The following KALRN variants were observed in gnomAD, a reference collection of about 807,000 sequenced individuals.
KALRN encodes the protein kalirin RhoGEF kinase.
A neutral mutation model predicts 353.7 loss-of-function variants in KALRN; 70 were observed. That is an observed-to-expected ratio of 0.20 (90% CI 0.16 to 0.24). The LOEUF (loss-of-function observed/expected upper bound fraction) is 0.24. Ranked by LOEUF, KALRN falls within the 10% of genes least tolerant of loss-of-function variation. The probability of loss-of-function intolerance (pLI) is 1.00; values close to 1 mark genes in which losing one functional copy is unlikely to be tolerated. For synonymous variants in KALRN, 1,391 were observed against 1,434.8 expected, an observed-to-expected ratio of 0.97 and a Z score of 0.69; for missense variants, 2,791 against 3,756.7, an observed-to-expected ratio of 0.74 and a Z score of 6.72.
chr3:124,465,669 G>GA (rs933062510), intron 25 of KALRN, among the ~76,000 whole-genome samples: 12 of 152,082 alleles, frequency 7.9e-5, no homozygotes, highest in African/African-American at 2.4e-4. Flanking sequence ...TTCTGAATAT[G>GA]AAAAAAAATC....
chr3:124,255,655 A>C (rs531574017), intron 3 of KALRN, among the ~76,000 whole-genome samples: 2 of 152,350 alleles, frequency 1.3e-5, no homozygotes, highest in African/African-American at 4.8e-5. Context: ...ATACCCCACA[A>C]TAGCCATGAC....
chr3:124,645,365 C>A (rs2082575104), intron 37 of KALRN, among the ~76,000 whole-genome samples: 1 of 152,148 alleles, frequency 6.6e-6, no homozygotes, highest in African/African-American at 2.4e-5. Flanking sequence ...GCTTTTGTTG[C>A]CATTGCTTTT....
intron 33 of KALRN, among the ~76,000 whole-genome samples, chr3:124,530,969 T>G (rs2067996056): frequency 6.6e-6 from 1 of 152,184 alleles, no homozygotes; most frequent in Admixed American, 6.5e-5. Context: ...AGGACTTACT[T>G]CTTGTTAACA....
At chr3:124,539,101 C>T (rs2068776461) in intron 33 of KALRN, among the ~76,000 whole-genome samples, 1 of 152,146 alleles carries the variant, frequency 6.6e-6, no homozygotes, top group African/African-American at 2.4e-5. Flanking sequence ...CCCAAAGATG[C>T]AACTATGGGG....
chr3:124,422,445 T>G (rs1350910186), intron 14 of KALRN, among the ~76,000 whole-genome samples: 1 of 152,186 alleles, frequency 6.6e-6, no homozygotes, highest in Admixed American at 6.5e-5. Flanking sequence ...GTTTTTGATT[T>G]TCCAGTATGA....
chr3:124,691,492 C>T (rs2061813950), intron 51 of KALRN, among the ~76,000 whole-genome samples: 1 of 151,990 alleles, frequency 6.6e-6, no homozygotes, highest in Admixed American at 6.6e-5. Context: ...TTTGGGAAGC[C>T]CACATAAGAA....
chr3:124,133,946 C>G (rs1365199069), intron 1 of KALRN, among the ~76,000 whole-genome samples: 1 of 152,076 alleles, frequency 6.6e-6, no homozygotes, highest in Admixed American at 6.6e-5. Context: ...TGAAAATGAC[C>G]ATACTGCCAA....
At chr3:124,325,893 C>T in intron 6 of KALRN, 87 bp from the exon 7 acceptor site, 1 of 1,131,754 alleles carries the variant, frequency 8.8e-7, no homozygotes, top group Non-Finnish European at 1.3e-6. Flanking sequence ...TTTTGGGCAG[C>T]TCCCTTCCCC....
rs113592521 is a variant in KALRN at position 124,419,447 on chromosome 3, C to T, written c.2543-3365C>T. 2.6e-3 allele frequency among the ~76,000 whole-genome samples: 392 copies of T among 152,054 alleles called. 1 individual carries two copies. Among genetic ancestry groups the T allele is most frequent in the African/African-American group, 8.5e-3 (352 of 41,474 alleles). On this transcript the variant is annotated intron_variant, in intron 14 of 59. Transcript: ENST00000682506. ...AGAGAGGGTAAGAAGCCCAGAGTCTCACCATTCATAGCATACAGAGCAAAC... is the reference window on the plus strand; with the variant it reads ...AGAGAGGGTAAGAAGCCCAGAGTCTTACCATTCATAGCATACAGAGCAAAC...
At position 124,120,759 on chromosome 3, in the gene KALRN, G is replaced by A. The variant is rs2063926106; in HGVS notation, c.73+86946G>A. Among the ~76,000 whole-genome samples, 13 of 131,760 alleles carry A rather than the reference G, an allele frequency of 9.9e-5. No individual in the cohort carries two copies. In the South Asian group the frequency reaches 2.9e-3, roughly 30 times the overall value. 86.4% of individuals were successfully genotyped at this position (131,760 alleles called of 152,430 possible). A position where few individuals can be genotyped will look rare whatever the true frequency, so the allele number is the denominator to read the frequency against. On this transcript the variant is annotated intron_variant, in intron 1 of 59. Coordinates refer to ENST00000682506, the MANE Select transcript of KALRN (RefSeq NM_001388419.1). ...ATATATATATATTTTCACATAATTA[G>A]CTAACTATTCATTCAATGTGTATTT...
chr3:124,040,372 T>C (rs1311431418), intron 1 of KALRN, among the ~76,000 whole-genome samples: 1 of 152,196 alleles, frequency 6.6e-6, no homozygotes, highest in Non-Finnish European at 1.5e-5. Context: ...AGCCCAGTGG[T>C]TCTCAACAAG....
At chr3:124,389,619 A>G (rs773176569) in intron 11 of KALRN, among the ~76,000 whole-genome samples, 3 of 152,236 alleles carry the variant, frequency 2.0e-5, no homozygotes, top group Non-Finnish European at 4.4e-5. Flanking sequence ...AACAAATCAT[A>G]ATGCATTTAT....
intron 10 of KALRN, among the ~76,000 whole-genome samples, chr3:124,365,046 C>T (rs757175534): frequency 6.6e-5 from 10 of 152,162 alleles, no homozygotes; most frequent in Non-Finnish European, 1.5e-4. Flanking sequence ...CAAGTATGAC[C>T]TCAGCATTAT....
chr3:124,330,658 C>T (rs1383002329), intron 8 of KALRN, among the ~76,000 whole-genome samples: 1 of 152,150 alleles, frequency 6.6e-6, no homozygotes, highest in Non-Finnish European at 1.5e-5. Context: ...ATAGGTATAT[C>T]TGTGTAGATA....
intron 1 of KALRN, among the ~76,000 whole-genome samples, chr3:124,181,125 C>T (rs1347061561): frequency 1.4e-5 from 2 of 146,250 alleles, no homozygotes; most frequent in Non-Finnish European, 3.0e-5. Flanking sequence ...ATGGTGTGCA[C>T]CTGTAATCCT....
At chr3:124,222,562 A>G (rs966053491) in intron 1 of KALRN, among the ~76,000 whole-genome samples, 4 of 152,142 alleles carry the variant, frequency 2.6e-5, no homozygotes, top group African/African-American at 7.2e-5. Flanking sequence ...ACAACTTCCC[A>G]AAGTGTAATG....
chr3:124,293,453 T>C (rs2076585848), intron 5 of KALRN, among the ~76,000 whole-genome samples: 1 of 152,190 alleles, frequency 6.6e-6, no homozygotes, highest in African/African-American at 2.4e-5. Flanking sequence ...AATAACATTT[T>C]AGCTATTCCT....
intron 6 of KALRN, among the ~76,000 whole-genome samples, chr3:124,315,070 C>A (rs1323350599): frequency 6.6e-6 from 1 of 152,182 alleles, no homozygotes; most frequent in African/African-American, 2.4e-5. Flanking sequence ...CCCACTAGGC[C>A]CTACCTCCAA....
chr3:124,407,790 T>TA (rs2091732515), intron 13 of KALRN: 1 of 152,242 alleles, frequency 6.6e-6, no homozygotes, highest in Non-Finnish European at 1.5e-5. Flanking sequence ...ATTTTTTTTT[T>TA]ATTTTTTATT....
Sources: gnomAD v4.1 joint callset for allele counts (sites outside exome capture counted in the v4.1 genomes callset) on GRCh38, gnomAD v4.1.1 for gene constraint, MANE v1.5 for transcripts, NCBI Gene and HGNC (gene_info 2026-07-23, HGNC 2026-07-21) for gene names.